The following UBR3 variants were observed in gnomAD, a reference collection of about 807,000 sequenced individuals.
The protein encoded by UBR3 is E3 ubiquitin-protein ligase UBR3.
A neutral mutation model predicts 243.2 loss-of-function variants in UBR3; 85 were observed. The ratio of observed to expected loss-of-function variants is 0.35; its 90% CI spans 0.29 to 0.42. The LOEUF (loss-of-function observed/expected upper bound fraction) is 0.42, where lower values mean the gene tolerates loss of function less well. Among genes scored for constraint, UBR3 ranks in the 10% least tolerant of loss-of-function variants. The probability of loss-of-function intolerance (pLI) is 1.00; values close to 1 mark genes in which losing one functional copy is unlikely to be tolerated. For missense variants in UBR3, 1,686 were observed against 2,300.8 expected, an observed-to-expected ratio of 0.73 and a Z score of 5.47; for synonymous variants, 748 against 799.8, an observed-to-expected ratio of 0.94 and a Z score of 1.09.
intron 31 of UBR3, among the ~76,000 whole-genome samples, chr2:170,030,237 G>A (rs1250069154): frequency 6.6e-6 from 1 of 151,790 alleles, no homozygotes; most frequent in Non-Finnish European, 1.5e-5. Context: ...TCACTTTCTG[G>A]TACAAGTTGG....
intron 1 of UBR3, among the ~76,000 whole-genome samples, chr2:169,852,872 A>AAC (rs2082708643): frequency 2.1e-5 from 3 of 144,960 alleles, no homozygotes; most frequent in African/African-American, 7.4e-5. Flanking sequence ...AAAAAAAAAA[A>AAC]AAAAAACAAA....
At chr2:169,895,533 G>A (rs1221073548) in intron 7 of UBR3, among the ~76,000 whole-genome samples, 5 of 152,196 alleles carry the variant, frequency 3.3e-5, no homozygotes, top group Admixed American at 6.5e-5. Flanking sequence ...TTGCTTTTCT[G>A]CATGGAACTT....
chr2:169,941,551 A>G (rs1454130305), intron 19 of UBR3, among the ~76,000 whole-genome samples: 1 of 152,230 alleles, frequency 6.6e-6, no homozygotes, highest in Non-Finnish European at 1.5e-5. Context: ...ACTACTATAC[A>G]TAAGGTATTT....
At chr2:169,907,036 C>CT (rs36078695) in intron 10 of UBR3, among the ~76,000 whole-genome samples, 21,220 of 112,264 alleles carry the variant, frequency 0.19, 2,188 homozygotes, top group East Asian at 0.35. Context: ...AAATTTCTTT[C>CT]TTTTTTTTTT....
At chr2:169,909,469 A>T (rs2085163941) in intron 10 of UBR3, among the ~76,000 whole-genome samples, 1 of 152,108 alleles carries the variant, frequency 6.6e-6, no homozygotes, top group Non-Finnish European at 1.5e-5. Flanking sequence ...AGAAGTAGAG[A>T]GTAGAATGTT....
In UBR3 at chr2:169,919,252, A is replaced by C. The variant is rs540696037; in HGVS notation, c.1867-4677A>C. On this transcript the variant is annotated intron_variant, in intron 11 of 38. Transcript: ENST00000272793. Reference sequence around the variant, plus strand: ...AGGCTAAAACCATAGGGAGTCATTAAAAGATTGTGAGTGGAAGAAGTTCAA... The same window carrying C: ...AGGCTAAAACCATAGGGAGTCATTACAAGATTGTGAGTGGAAGAAGTTCAA... Among the ~76,000 whole-genome samples the C allele has an allele frequency of 3.3e-5, 5 of 152,314 alleles. No individual in the cohort carries two copies. The South Asian group carries it at 1.0e-3, about 32-fold the overall frequency.
chr2:169,917,074 T>G (rs978396338), intron 11 of UBR3, among the ~76,000 whole-genome samples: 4 of 152,180 alleles, frequency 2.6e-5, no homozygotes, highest in Admixed American at 2.6e-4. Context: ...TGCCCTGAAT[T>G]AATTTTTCTT....
intron 20 of UBR3, among the ~76,000 whole-genome samples, chr2:169,944,580 C>T (rs764042032): frequency 5.9e-5 from 9 of 152,076 alleles, no homozygotes; most frequent in Non-Finnish European, 1.2e-4. Flanking sequence ...ATTGACATTG[C>T]GTTGGCAAGT....
At chr2:169,951,783 A>T (rs2087043941) in intron 23 of UBR3, among the ~76,000 whole-genome samples, 1 of 152,092 alleles carries the variant, frequency 6.6e-6, no homozygotes, top group South Asian at 2.1e-4. Flanking sequence ...TAAGACAGTG[A>T]TGATAATAAA....
intron 16 of UBR3, 26 bp downstream of exon 16, chr2:169,926,997 A>G (rs2085933927): frequency 2.0e-6 from 3 of 1,537,782 alleles, no homozygotes; most frequent in Non-Finnish European, 2.6e-6. Context: ...ACTAATACTT[A>G]TGCATTAACT....
intron 5 of UBR3, among the ~76,000 whole-genome samples, chr2:169,886,797 C>A (rs746054815): frequency 1.3e-5 from 2 of 152,136 alleles, no homozygotes; most frequent in African/African-American, 4.8e-5. Context: ...GTTAGAACTC[C>A]CTTGTAGTGT....
chr2:169,933,146 TA>T, intron 19 of UBR3, 138 bp downstream of exon 19: 1 of 588,980 alleles, frequency 1.7e-6, no homozygotes, highest in Non-Finnish European at 2.7e-6. Flanking sequence ...ATTTAAGGTT[TA>T]AAAAATAATC....
chr2:170,061,208 A>C (rs373358356), intron 34 of UBR3, 22 bp downstream of exon 34: 20 of 1,582,042 alleles, frequency 1.3e-5, no homozygotes, highest in Non-Finnish European at 1.7e-5. Flanking sequence ...CAAAAATCAG[A>C]TGTAGCGGTT....
In UBR3 at chr2:169,827,804, GGGC is replaced by G. The variant is rs752904841; in HGVS notation, c.307_309del (p.Gly103del). 23 of 1,494,812 alleles carry G rather than the reference GGGC, an allele frequency of 1.5e-5. No homozygotes were observed. The highest frequency in any genetic ancestry group is 4.3e-5 in the Admixed American group (2 of 46,218). 92.6% of individuals were successfully genotyped at this position (1,494,812 alleles called of 1,614,324 possible). The stretch of plus-strand genomic sequence containing the variant: ...TGGAGTGGTGTAAGTGCCTTCTGGC[GGGC>G]GGCGGCGGCTACGACGAGTTCTGCG... On this transcript the variant is annotated inframe_deletion, in exon 1 of 39. Coordinates refer to ENST00000272793, the MANE Select transcript of UBR3 (RefSeq NM_172070.4).
At position 169,891,611 on chromosome 2, in the gene UBR3, G is replaced by GACACACACACAC. The variant is rs202022960; in HGVS notation, c.1105+381_1105+382insCACACACACACA. Among the ~76,000 whole-genome samples the GACACACACACAC allele has an allele frequency of 9.6e-3, 792 of 82,286 alleles. 1 individual carries two copies. Among genetic ancestry groups the GACACACACACAC allele is most frequent in the African/African-American group, 0.018 (389 of 22,050 alleles). The allele number at this position is 82,286 out of a possible 152,430, so 54.0% of individuals were successfully genotyped here. On this transcript the variant is annotated intron_variant, in intron 6 of 38. Coordinates refer to ENST00000272793, the MANE Select transcript of UBR3 (RefSeq NM_172070.4). ...GAGATGACATGGTGAGAGAGAGACA[G>GACACACACACAC]AGACACACACACACACACACACACA... is the stretch of plus-strand genomic sequence containing the variant.
At chr2:169,990,957 G>A (rs1267291783) in intron 25 of UBR3, among the ~76,000 whole-genome samples, 1 of 152,030 alleles carries the variant, frequency 6.6e-6, no homozygotes, top group African/African-American at 2.4e-5. Context: ...TTTTAAAAAT[G>A]TGATGCTACA....
In UBR3 at chr2:170,080,655, T is replaced by C. The variant is rs754454067; in HGVS notation, c.5520T>C (p.Asp1840=). ...RFCLWGSVYL[D]AHGEEDRDLR... ...GCCTCTGGGGTTCCGTGTATTTGGA[T>C]GCTCATGGAGAGGAAGACCGGGATC... Residue 1840 remains aspartate, a synonymous_variant, in exon 38 of 39, where the codon GAT becomes GAC. Coordinates refer to ENST00000272793, the MANE Select transcript of UBR3 (RefSeq NM_172070.4). 2 of 1,613,974 alleles carry C rather than the reference T, an allele frequency of 1.2e-6. No individual in the cohort carries two copies. The highest frequency in any genetic ancestry group is 1.1e-5 in the South Asian group (1 of 91,028).
At chr2:169,997,520 C>T (rs761556370) in intron 26 of UBR3, among the ~76,000 whole-genome samples, 1 of 151,916 alleles carries the variant, frequency 6.6e-6, no homozygotes, top group African/African-American at 2.4e-5. Context: ...TCTTCACTCC[C>T]GTAGTCTAGT....
chr2:169,960,601 T>TA (rs907010013), intron 24 of UBR3, among the ~76,000 whole-genome samples: 8 of 152,136 alleles, frequency 5.3e-5, no homozygotes, highest in African/African-American at 1.7e-4. Flanking sequence ...TTAATATAAT[T>TA]ACAATATTTA....
Sources: allele counts gnomAD v4.1 joint callset (sites outside exome capture counted in the v4.1 genomes callset), GRCh38; gene constraint gnomAD v4.1.1; transcripts MANE v1.5; gene names NCBI Gene and HGNC (gene_info 2026-07-23, HGNC 2026-07-21).